The following ZC3HAV1 variants were observed in gnomAD, a reference collection of about 807,000 sequenced individuals.
ZC3HAV1 encodes the protein zinc finger CCCH-type containing, antiviral 1.
ZC3HAV1 carries 41 observed loss-of-function variants against 86.6 expected under a neutral mutation model. That is an observed-to-expected ratio of 0.47 (90% CI 0.37 to 0.61). ZC3HAV1 has a LOEUF of 0.61. Among genes scored for constraint, ZC3HAV1 ranks in the 20% least tolerant of loss-of-function variants. The pLI is 0.00. For synonymous variants in ZC3HAV1, 421 were observed against 432.1 expected, an observed-to-expected ratio of 0.97 and a Z score of 0.32; for missense variants, 964 against 1,141.1, an observed-to-expected ratio of 0.84 and a Z score of 2.24.
chr7:139,098,903 C>A (rs773936399), intron 1 of ZC3HAV1, among the ~76,000 whole-genome samples: 1 of 151,938 alleles, frequency 6.6e-6, no homozygotes, highest in Admixed American at 6.6e-5. Context: ...AGGAAAAGCT[C>A]GCAGATACCT....
chr7:139,087,894 T>C (rs1312643736), intron 2 of ZC3HAV1, among the ~76,000 whole-genome samples: 1 of 151,406 alleles, frequency 6.6e-6, no homozygotes, highest in Non-Finnish European at 1.5e-5. Context: ...TAGCCAGCTA[T>C]GGTGGTGCAT....
At chr7:139,063,015 G>A (rs1316521573) in intron 8 of ZC3HAV1, among the ~76,000 whole-genome samples, 1 of 118,532 alleles carries the variant, frequency 8.4e-6, no homozygotes, top group Non-Finnish European at 1.6e-5. Context: ...GTGACAAAGC[G>A]AGACTCTGTC....
At chr7:139,073,795 G>A (rs904609620) in intron 7 of ZC3HAV1, 61 bp downstream of exon 7, 15 of 1,509,748 alleles carry the variant, frequency 9.9e-6, no homozygotes, top group South Asian at 6.3e-5. Flanking sequence ...CCAGCCAACA[G>A]TGTTCTTTTT....
At chr7:139,080,339 C>A in intron 3 of ZC3HAV1, 96 bp from the exon 4 acceptor site, 1 of 1,452,584 alleles carries the variant, frequency 6.9e-7, no homozygotes, top group Admixed American at 1.9e-5. Flanking sequence ...ACTTTTGTAG[C>A]TTTGCTATCC....
Position 139,079,852 on chromosome 7 carries a change from T to C in ZC3HAV1, c.1089A>G (p.Thr363=). 2 of 1,614,134 alleles carry C rather than the reference T, an allele frequency of 1.2e-6. No individual in the cohort carries two copies. The highest frequency in any genetic ancestry group is 1.7e-6 in the Non-Finnish European group (2 of 1,180,028). Residue 363 remains threonine (T), a synonymous_variant, in exon 4 of 13, where the codon ACA becomes ACG. Transcript: ENST00000242351. ...STSAPNWKSL[T]SWTNDQGARR... ...TGGCGCCTTGGTCATTCGTCCAGGA[T>C]GTGAGGCTCTTCCAGTTGGGGGCTG...
At chr7:139,073,800 C>T (rs1375381815) in intron 7 of ZC3HAV1, 56 bp downstream of exon 7, 3 of 1,521,674 alleles carry the variant, frequency 2.0e-6, no homozygotes, top group African/African-American at 2.8e-5. Context: ...CAACAGTGTT[C>T]TTTTTAAGTT....
At chr7:139,097,421 TATATATA>T (rs1275138931) in intron 1 of ZC3HAV1, among the ~76,000 whole-genome samples, 1 of 84,332 alleles carries the variant, frequency 1.2e-5, no homozygotes, top group Non-Finnish European at 2.2e-5. Flanking sequence ...TATATATATA[TATATATA>T]TTTTTTTTTT....
chr7:139,076,269 T>C lies in ZC3HAV1; in HGVS notation c.1697+17A>G. The C allele has an allele frequency of 6.2e-7, 1 of 1,614,042 alleles. No homozygotes were observed. The highest frequency in any genetic ancestry group is 8.5e-7 in the Non-Finnish European group (1 of 1,179,972). ...AATGTTGGACTCTTGAAAGCCAGAGTACAGCCACCAACTTACAGGTGGATT... is the reference window on the plus strand; with the variant it reads ...AATGTTGGACTCTTGAAAGCCAGAGCACAGCCACCAACTTACAGGTGGATT... On this transcript the variant is annotated intron_variant, in intron 6 of 12. Transcript: ENST00000242351.
chr7:139,105,220 A>G (rs1817901046), intron 1 of ZC3HAV1, among the ~76,000 whole-genome samples: 2 of 150,968 alleles, frequency 1.3e-5, no homozygotes, highest in Non-Finnish European at 3.0e-5. Flanking sequence ...TTTCTAAAGA[A>G]AAAAAAAAGG....
chr7:139,102,782 G>T (rs992847067), intron 1 of ZC3HAV1, among the ~76,000 whole-genome samples: 6 of 149,750 alleles, frequency 4.0e-5, no homozygotes, highest in Admixed American at 4.0e-4. Flanking sequence ...AATTAGCCAG[G>T]TATGGTGGCA....
intron 1 of ZC3HAV1, among the ~76,000 whole-genome samples, chr7:139,101,638 G>A (rs1360651954): frequency 3.3e-5 from 5 of 149,276 alleles, no homozygotes; most frequent in Admixed American, 6.7e-5. Context: ...AGTAGACATG[G>A]GAGACTTCAT....
chr7:139,106,075 AT>A (rs1175678896), intron 1 of ZC3HAV1, among the ~76,000 whole-genome samples: 1 of 152,206 alleles, frequency 6.6e-6, no homozygotes. Flanking sequence ...ACTAAAAAAA[AT>A]AAACTTTATT....
chr7:139,108,746 G>A lies in ZC3HAV1; in HGVS notation c.308+278C>T, dbSNP rs1296930501. On this transcript the variant is annotated intron_variant, in intron 1 of 12. Transcript: ENST00000242351. This position sits in a 1 kb window ranked among gnomAD's most constrained non-coding sequence, Gnocchi z 4.2. ...TCTTCTGATTCGTGCGGGCGGGCGG[G>A]GAAAGGGGTGGAGGTTGAGCCTGGT... Among the ~76,000 whole-genome samples, 1 of 152,256 alleles carries A rather than the reference G, an allele frequency of 6.6e-6. No homozygotes were observed. Among genetic ancestry groups the A allele is most frequent in the Non-Finnish European group, 1.5e-5 (1 of 68,046 alleles).
In ZC3HAV1 at chr7:139,079,787, C is replaced by T. The variant is rs115288744; in HGVS notation, c.1154G>A (p.Arg385His). Residue 385 changes from arginine (R) to histidine (H), a missense_variant, in exon 4 of 13, where the codon CGC (arginine) becomes CAC (histidine). Physicochemically the swap from Arg to His is conservative, Grantham distance 29 (BLOSUM62 0). Coordinates refer to ENST00000242351, the MANE Select transcript of ZC3HAV1 (RefSeq NM_020119.4). ...TGTTTGCAGAGAGCCAAGAGAAGAG[C>T]GGGCGGCAGGTAGCGTGGGAGAAAA... ...TVFSPTLPAA[R>H]SSLGSLQTPE... 7.6e-5 allele frequency: 122 copies of T among 1,614,114 alleles called. No individual in the cohort carries two copies. In the Admixed American group the frequency reaches 9.3e-4, roughly 12 times the overall value.
At chr7:139,097,622 G>T (rs1817646342) in intron 1 of ZC3HAV1, among the ~76,000 whole-genome samples, 1 of 150,508 alleles carries the variant, frequency 6.6e-6, no homozygotes, top group Non-Finnish European at 1.5e-5. Context: ...TTTTAGTAGA[G>T]ACGGGGTTTC....
At chr7:139,101,587 A>G (rs1817774530) in intron 1 of ZC3HAV1, among the ~76,000 whole-genome samples, 1 of 144,292 alleles carries the variant, frequency 6.9e-6, no homozygotes, top group Admixed American at 7.2e-5. Flanking sequence ...AAAGGTGGGG[A>G]AATGATAGAG....
chr7:139,088,633 C>T (rs1028652565), intron 2 of ZC3HAV1, among the ~76,000 whole-genome samples: 4 of 152,144 alleles, frequency 2.6e-5, no homozygotes, highest in Admixed American at 2.0e-4. Context: ...CAGGCTACCC[C>T]CCTGTCCATA....
intron 8 of ZC3HAV1, 22 bp downstream of exon 8, chr7:139,064,857 A>G: frequency 6.2e-7 from 1 of 1,613,920 alleles, no homozygotes; most frequent in East Asian, 2.2e-5. Flanking sequence ...GACACACAAC[A>G]CTGCCAAACA....
intron 1 of ZC3HAV1, among the ~76,000 whole-genome samples, chr7:139,098,663 C>A (rs989416578): frequency 3.9e-5 from 6 of 152,020 alleles, no homozygotes; most frequent in African/African-American, 1.4e-4. Context: ...TAAGTAAATA[C>A]AAAATAATAC....
Sources: allele counts gnomAD v4.1 joint callset (sites outside exome capture counted in the v4.1 genomes callset), GRCh38; gene constraint gnomAD v4.1.1; non-coding constraint Gnocchi (gnomAD v3.1); transcripts MANE v1.5; gene names NCBI Gene and HGNC (gene_info 2026-07-23, HGNC 2026-07-21).